The following ZZEF1 variants were observed in gnomAD, a reference collection of about 807,000 sequenced individuals.
ZZEF1 encodes zinc finger ZZ-type and EF-hand domain-containing protein 1.
Under a neutral mutation model 342.8 loss-of-function variants are expected in ZZEF1, and 157 were observed. The ratio of observed to expected loss-of-function variants is 0.46; its 90% CI spans 0.40 to 0.52. The LOEUF (loss-of-function observed/expected upper bound fraction) is 0.52. Among genes scored for constraint, ZZEF1 ranks in the 20% least tolerant of loss-of-function variants. The pLI is 0.00. For missense variants in ZZEF1, 3,480 were observed against 3,725.6 expected, an observed-to-expected ratio of 0.93 and a Z score of 1.72; for synonymous variants, 1,505 against 1,429.1, an observed-to-expected ratio of 1.05 and a Z score of -1.20.
intron 52 of ZZEF1, among the ~76,000 whole-genome samples, chr17:4,010,840 C>T (rs1025136725): frequency 6.6e-6 from 1 of 151,410 alleles, no homozygotes; most frequent in Non-Finnish European, 1.5e-5. Context: ...AGAAAAACAA[C>T]AGTAAACAGA....
rs56780161 is a variant in ZZEF1, at chr17:4,134,524, C to T, written c.354+8018G>A. On this transcript the variant is annotated intron_variant, in intron 1 of 54. Transcript: ENST00000381638. ...AGCAATGTAATAGGTGTGACAATTA[C>T]GATACGAGAACTAAGAGTATAAACT... Among the ~76,000 whole-genome samples the T allele has an allele frequency of 9.4e-4, 143 of 151,940 alleles. 2 individuals carry two copies. The highest frequency in any genetic ancestry group is 3.2e-3 in the African/African-American group (131 of 41,422).
intron 52 of ZZEF1, among the ~76,000 whole-genome samples, chr17:4,012,568 A>G (rs1407376410): frequency 6.6e-6 from 1 of 152,210 alleles, no homozygotes; most frequent in Non-Finnish European, 1.5e-5. Flanking sequence ...CAGACAACAT[A>G]TATGGCGCAG....
At chr17:4,050,690 T>C (rs2057024960) in intron 36 of ZZEF1, 91 bp downstream of exon 36, 2 of 1,573,048 alleles carry the variant, frequency 1.3e-6, no homozygotes, top group Admixed American at 1.8e-5. Flanking sequence ...TGTTGCCACC[T>C]GTAAACTAAG....
chr17:4,070,894 G>T lies in ZZEF1; in HGVS notation c.3865C>A (p.His1289Asn), dbSNP rs2057495430. The T allele has an allele frequency of 6.2e-7, 1 of 1,613,948 alleles. No homozygotes were observed. Among genetic ancestry groups the T allele is most frequent in the Non-Finnish European group, 8.5e-7 (1 of 1,180,006 alleles). The change falls in exon 26 of 55, where the codon CAT (histidine) becomes AAT (asparagine). Residue 1289 changes from histidine to asparagine, a missense_variant. By Grantham distance (68) the His-to-Asn change is moderately conservative (BLOSUM62 1). This residue lies in a region of ZZEF1 where 1,528 missense variants were observed against 1,624.1 expected (regional missense o/e 0.94). Coordinates refer to ENST00000381638, the MANE Select transcript of ZZEF1 (RefSeq NM_015113.4). The part of the protein sequence containing the change: ...VKNIPDDPCR[H>N]FLLDFAQSEP... ...GACTGGGCAAAATCAAGAAGAAAAT[G>T]GCGGCAGGGGTCGTCAGGAATGTTC... is the stretch of plus-strand genomic sequence containing the variant.
rs2058887885 is a variant in ZZEF1 at position 4,142,774 on chromosome 17, GC to G, written c.121del (p.Ala41LeufsTer112). ...SGTTPGPGVA[A>X]PALPPAAALL... ...CGCCGCGGCGGGTGGTAGCGCTGGA[GC>G]CGCGACGCCCGGGCCGGGGGTCGTG... On this transcript the variant is annotated frameshift_variant, in exon 1 of 55. Coordinates refer to ENST00000381638, the MANE Select transcript of ZZEF1 (RefSeq NM_015113.4). LOFTEE classifies it high-confidence loss of function. The G allele has an allele frequency of 7.0e-7, 1 of 1,431,780 alleles. No homozygotes were observed. Among genetic ancestry groups the G allele is most frequent in the Non-Finnish European group, 9.1e-7 (1 of 1,103,516 alleles). The allele number at this position is 1,431,780 out of a possible 1,614,324, so 88.7% of individuals were successfully genotyped here. A position where few individuals can be genotyped will look rare whatever the true frequency, so the allele number is the denominator to read the frequency against.
At chr17:4,137,857 C>G (rs1287314994) in intron 1 of ZZEF1, among the ~76,000 whole-genome samples, 1 of 152,234 alleles carries the variant, frequency 6.6e-6, no homozygotes, top group Non-Finnish European at 1.5e-5. Flanking sequence ...GAGACACTAT[C>G]TGAATCATGC....
At chr17:4,052,186 TG>T in intron 34 of ZZEF1, 50 bp from the exon 35 acceptor site, 2 of 1,521,504 alleles carry the variant, frequency 1.3e-6, no homozygotes, top group Non-Finnish European at 8.8e-7. Context: ...GGCTCCTAGA[TG>T]GGCTAGTTTC....
chr17:4,070,404 C>T lies in ZZEF1; in HGVS notation c.4075+280G>A, dbSNP rs116675133. Among the ~76,000 whole-genome samples, 1,228 of 152,244 alleles carry T rather than the reference C, an allele frequency of 8.1e-3. 18 individuals carry two copies. The highest frequency in any genetic ancestry group is 0.028 in the African/African-American group (1,144 of 41,536). ...GGGACCAGGACCCAAGTTAAGGTTT[C>T]TTTCCATTAAATTTCTCAGCAGTTT... On this transcript the variant is annotated intron_variant, in intron 26 of 54. Transcript: ENST00000381638.
At chr17:4,142,338 T>C (rs1325358127) in intron 1 of ZZEF1, among the ~76,000 whole-genome samples, 1 of 152,192 alleles carries the variant, frequency 6.6e-6, no homozygotes, top group Non-Finnish European at 1.5e-5. Flanking sequence ...CTTGTCCAGC[T>C]CTTCAGAGCA....
chr17:4,040,789 G>C (rs772884972), intron 39 of ZZEF1, among the ~76,000 whole-genome samples: 5 of 152,152 alleles, frequency 3.3e-5, no homozygotes, highest in Admixed American at 6.5e-5. Context: ...CTGGCTGGCC[G>C]TAACACACAT....
intron 53 of ZZEF1, chr17:4,009,180 G>A: frequency 1.7e-6 from 1 of 599,022 alleles, no homozygotes. Context: ...GACCAGGCCG[G>A]GACCCCTCCT....
intron 11 of ZZEF1, among the ~76,000 whole-genome samples, chr17:4,091,827 A>G (rs905074284): frequency 6.6e-6 from 1 of 151,972 alleles, no homozygotes; most frequent in Non-Finnish European, 1.5e-5. Context: ...CTGTAATCCC[A>G]GCACTTTGGG....
At position 4,008,621 on chromosome 17, in the gene ZZEF1, A is replaced by T; in HGVS notation, c.8805+262T>A. On this transcript the variant is annotated intron_variant, in intron 54 of 54. Transcript: ENST00000381638. This position sits in a 1 kb window ranked among gnomAD's most constrained non-coding sequence, Gnocchi z 4.2. ...GGAAACTTCAAGAATCAGCCAAACTAAATTTAAGGCATCGGTTGTTTTGGT... is the reference window on the plus strand; with the variant it reads ...GGAAACTTCAAGAATCAGCCAAACTTAATTTAAGGCATCGGTTGTTTTGGT... 1.7e-6 allele frequency: 2 copies of T among 1,184,290 alleles called. No individual in the cohort carries two copies. The highest frequency in any genetic ancestry group is 2.1e-6 in the Non-Finnish European group (2 of 956,006). The allele number at this position is 1,184,290 out of a possible 1,614,324, so 73.4% of individuals were successfully genotyped here.
chr17:4,020,508 CTTA>C (rs1488586008), intron 45 of ZZEF1, among the ~76,000 whole-genome samples: 1 of 150,938 alleles, frequency 6.6e-6, no homozygotes, highest in East Asian at 1.9e-4. Flanking sequence ...CCTGGCTAGT[CTTA>C]TTTTTTGTAG....
rs1297757171 is a variant in ZZEF1 at position 4,051,873 on chromosome 17, A to T, written c.5600+98T>A. 3 of 1,315,436 alleles carry T rather than the reference A, an allele frequency of 2.3e-6. No homozygotes were observed. In the African/African-American group the frequency reaches 4.5e-5, roughly 20 times the overall value. The allele number at this position is 1,315,436 out of a possible 1,614,324, so 81.5% of individuals were successfully genotyped here. A position where few individuals can be genotyped will look rare whatever the true frequency, so the allele number is the denominator to read the frequency against. The stretch of plus-strand genomic sequence containing the variant: ...TACTTTTGGTTATGTTTAAATTTTT[A>T]AATAAAAAAAACTTTTTTAAAAAAA... On this transcript the variant is annotated intron_variant, in intron 35 of 54. Coordinates refer to ENST00000381638, the MANE Select transcript of ZZEF1 (RefSeq NM_015113.4).
chr17:4,128,989 G>C (rs1431640748), intron 1 of ZZEF1, among the ~76,000 whole-genome samples: 1 of 150,186 alleles, frequency 6.7e-6, no homozygotes, highest in Non-Finnish European at 1.5e-5. Context: ...GGATGGTCTT[G>C]ATCTCTTGAC....
At chr17:4,058,847 G>C (rs1444555932) in intron 31 of ZZEF1, among the ~76,000 whole-genome samples, 1 of 152,164 alleles carries the variant, frequency 6.6e-6, no homozygotes, top group Non-Finnish European at 1.5e-5. Flanking sequence ...CTGCACTCTA[G>C]CCTGGGTGAC....
At chr17:4,086,066 T>A (rs2057813284) in intron 15 of ZZEF1, among the ~76,000 whole-genome samples, 1 of 152,218 alleles carries the variant, frequency 6.6e-6, no homozygotes, top group Non-Finnish European at 1.5e-5. Flanking sequence ...TAAATAAAAC[T>A]TCAGAAGCCC....
chr17:4,062,469 C>T (rs751000927), intron 30 of ZZEF1, among the ~76,000 whole-genome samples: 2 of 151,806 alleles, frequency 1.3e-5, no homozygotes, highest in Non-Finnish European at 2.9e-5. Flanking sequence ...ATATTTAGCT[C>T]ACAGCTTCCA....
Sources: gnomAD v4.1 joint callset for allele counts (sites outside exome capture counted in the v4.1 genomes callset) on GRCh38, gnomAD v4.1.1 for gene constraint, gnomAD v4.1.1 regional missense constraint, Gnocchi (gnomAD v3.1) non-coding constraint, MANE v1.5 for transcripts, NCBI Gene and HGNC (gene_info 2026-07-23, HGNC 2026-07-21) for gene names.